RUNX3: variants seen among roughly 807,000 people sequenced by gnomAD.
RUNX3 encodes the protein RUNX family transcription factor 3.
A neutral mutation model predicts 27.7 loss-of-function variants in RUNX3; 10 were observed. The ratio of observed to expected loss-of-function variants is 0.36; its 90% CI spans 0.22 to 0.61. RUNX3 has a LOEUF of 0.61. Ranked by LOEUF, RUNX3 falls within the 20% of genes least tolerant of loss-of-function variation. The pLI is 0.72. For synonymous variants in RUNX3, 270 were observed against 269.2 expected, an observed-to-expected ratio of 1.00 and a Z score of -0.03; for missense variants, 469 against 629.5, an observed-to-expected ratio of 0.75 and a Z score of 2.73.
chr1:24,940,670 G>GA (rs1641455062), intron 2 of RUNX3, among the ~76,000 whole-genome samples: 1 of 151,284 alleles, frequency 6.6e-6, no homozygotes, highest in Non-Finnish European at 1.5e-5. Context: ...GAGGTGGGGG[G>GA]ATCTACTTGA....
Position 24,905,904 on chromosome 1 carries a change from C to T in RUNX3, c.703+1355G>A, listed in dbSNP as rs144438167. Among the ~76,000 whole-genome samples, 95 of 152,362 alleles carry T rather than the reference C, an allele frequency of 6.2e-4. 1 individual carries two copies. The highest frequency in any genetic ancestry group is 2.1e-3 in the South Asian group (10 of 4,834). ...GGCTCCTTCCGCTACCTCTTGAGAG[C>T]AGACCTCCAACTCCTGGGCTCGAGA... On this transcript the variant is annotated intron_variant, in intron 4 of 4. Transcript: ENST00000308873.
Position 24,901,140 on chromosome 1 carries a change from A to T in RUNX3, c.*982T>A, listed in dbSNP as rs1424118138. 2.8e-5 allele frequency: 4 copies of T among 145,322 alleles called. No homozygotes were observed. Among genetic ancestry groups the T allele is most frequent in the African/African-American group, 1.0e-4 (4 of 38,504 alleles). The allele number at this position is 145,322 out of a possible 1,614,324, so 9.0% of individuals were successfully genotyped here. On this transcript the variant is annotated 3_prime_UTR_variant, in exon 5 of 5. Transcript: ENST00000308873. ...CAAGATTTGGCTGGATCCTCCCAGGAGGCTTGGGGGATGGGGCACAGCTTG... is the reference window on the plus strand; with the variant it reads ...CAAGATTTGGCTGGATCCTCCCAGGTGGCTTGGGGGATGGGGCACAGCTTG...
chr1:24,912,578 T>C (rs778597314), intron 3 of RUNX3, among the ~76,000 whole-genome samples: 8 of 151,942 alleles, frequency 5.3e-5, no homozygotes, highest in Admixed American at 1.3e-4. Flanking sequence ...GTGGAAATCA[T>C]CAAAACGGCA....
At chr1:24,921,961 A>G (rs1350182608) in intron 2 of RUNX3, among the ~76,000 whole-genome samples, 1 of 151,888 alleles carries the variant, frequency 6.6e-6, no homozygotes, top group Non-Finnish European at 1.5e-5. Context: ...ATTTTAATTA[A>G]TTTTTTTGAG....
In RUNX3 at chr1:24,923,767, C is replaced by T. The variant is rs921108499; in HGVS notation, c.439+3807G>A. On this transcript the variant is annotated intron_variant, in intron 2 of 4. Coordinates refer to ENST00000308873, the MANE Select transcript of RUNX3 (RefSeq NM_004350.3). The surrounding 1 kb of genome is among the most constrained non-coding windows in gnomAD (Gnocchi z 5.9). Reference sequence around the variant, plus strand: ...CAGCCAAGAAGCCATTCATCTCTCCCCCAACCAGCGGTTCCCCTCAGCCTG... The same window carrying T: ...CAGCCAAGAAGCCATTCATCTCTCCTCCAACCAGCGGTTCCCCTCAGCCTG... Among the ~76,000 whole-genome samples the T allele has an allele frequency of 7.2e-5, 11 of 152,190 alleles. No homozygotes were observed. Among genetic ancestry groups the T allele is most frequent in the Non-Finnish European group, 1.5e-4 (10 of 68,038 alleles).
At chr1:24,951,537 G>C (rs1029689845) in intron 2 of RUNX3, among the ~76,000 whole-genome samples, 2 of 152,218 alleles carry the variant, frequency 1.3e-5, no homozygotes, top group Non-Finnish European at 2.9e-5. Flanking sequence ...CCAGTAAGAA[G>C]GTGGTGGAGC....
chr1:24,948,448 G>T (rs534590574), intron 2 of RUNX3, among the ~76,000 whole-genome samples: 8 of 152,318 alleles, frequency 5.3e-5, no homozygotes, highest in African/African-American at 1.9e-4. Context: ...AGCTGGGACA[G>T]CCTGTGACAG....
chr1:24,920,558 C>A (rs1420666820), intron 2 of RUNX3, among the ~76,000 whole-genome samples: 1 of 152,188 alleles, frequency 6.6e-6, no homozygotes, highest in African/African-American at 2.4e-5. Flanking sequence ...CATAATCCAA[C>A]ACAAATTACT....
intron 4 of RUNX3, among the ~76,000 whole-genome samples, chr1:24,903,089 G>A (rs1000404856): frequency 3.3e-5 from 5 of 152,192 alleles, no homozygotes; most frequent in East Asian, 1.9e-4. Context: ...TGGGAAGGCC[G>A]TGGATGTGTA....
chr1:24,900,133 A>G lies in RUNX3; in HGVS notation c.*1989T>C, dbSNP rs1469005568. Reference sequence around the variant, plus strand: ...CAGGAGGGAAGAAACTACAAGGACAATGGATTCATAGCTGCTTCCTAAGAA... The same window carrying G: ...CAGGAGGGAAGAAACTACAAGGACAGTGGATTCATAGCTGCTTCCTAAGAA... On this transcript the variant is annotated 3_prime_UTR_variant, in exon 5 of 5. Coordinates refer to ENST00000308873, the MANE Select transcript of RUNX3 (RefSeq NM_004350.3). 2 of 152,292 alleles carry G rather than the reference A, an allele frequency of 1.3e-5. No individual in the cohort carries two copies. Among genetic ancestry groups the G allele is most frequent in the Admixed American group, 1.3e-4 (2 of 15,288 alleles). The allele number at this position is 152,292 out of a possible 1,614,324, so 9.4% of individuals were successfully genotyped here.
Position 24,929,761 on chromosome 1 carries a change from C to G in RUNX3, c.108G>C (p.Leu36=). The G allele has an allele frequency of 6.8e-7, 1 of 1,463,688 alleles. No individual in the cohort carries two copies. The allele number at this position is 1,463,688 out of a possible 1,614,324, so 90.7% of individuals were successfully genotyped here. ...GGKMGENSGA[L]SAQAAVGPGG... is the part of the protein sequence containing the mutation. Reference sequence around the variant, plus strand: ...CGGGCCCCACGGCCGCCTGCGCGCTCAGCGCGCCGCTGTTCTCGCCCATCT... The same window carrying G: ...CGGGCCCCACGGCCGCCTGCGCGCTGAGCGCGCCGCTGTTCTCGCCCATCT... Residue 36 remains leucine, a synonymous_variant, in exon 1 of 5, where the codon CTG becomes CTC. Coordinates refer to ENST00000308873, the MANE Select transcript of RUNX3 (RefSeq NM_004350.3).
In RUNX3 at chr1:24,927,794, AGGAGG is replaced by A; in HGVS notation, c.283-69_283-65del. ...AGAAAGGAAGAGGGTGACCAGGGAA[AGGAGG>A]GGAGGGGCTGGGCTGGGCAGCTCCC... On this transcript the variant is annotated intron_variant, in intron 1 of 4. Transcript: ENST00000308873. This position sits in a 1 kb window ranked among gnomAD's most constrained non-coding sequence, Gnocchi z 5.0. 1 of 1,271,726 alleles carries A rather than the reference AGGAGG, an allele frequency of 7.9e-7. No homozygotes were observed. The highest frequency in any genetic ancestry group is 1.1e-6 in the Non-Finnish European group (1 of 892,968). 78.8% of individuals were successfully genotyped at this position (1,271,726 alleles called of 1,614,324 possible). A position where few individuals can be genotyped will look rare whatever the true frequency, so the allele number is the denominator to read the frequency against.
intron 2 of RUNX3, among the ~76,000 whole-genome samples, chr1:24,959,077 A>G (rs1317746616): frequency 6.6e-6 from 1 of 152,204 alleles, no homozygotes; most frequent in Non-Finnish European, 1.5e-5. Flanking sequence ...TGCCTCTCAC[A>G]GCCCGCTGGA....
At chr1:24,953,402 G>GAAAAAAAAAAAAAA (rs553316885) in intron 2 of RUNX3, among the ~76,000 whole-genome samples, 1 of 70,474 alleles carries the variant, frequency 1.4e-5, no homozygotes, top group Non-Finnish European at 2.9e-5. Flanking sequence ...AAAGAAAAAT[G>GAAAAAAAAAAAAAA]AAAAAAAAAA....
chr1:24,959,501 G>T (rs1168109374), intron 2 of RUNX3, among the ~76,000 whole-genome samples: 1 of 152,196 alleles, frequency 6.6e-6, no homozygotes, highest in Non-Finnish European at 1.5e-5. Flanking sequence ...TCCTCTCCCA[G>T]GGATGGCGGG....
At chr1:24,956,305 TA>T (rs1641923286) in intron 2 of RUNX3, among the ~76,000 whole-genome samples, 2 of 152,248 alleles carry the variant, frequency 1.3e-5, no homozygotes, top group African/African-American at 4.8e-5. Context: ...TGTTTTCCCT[TA>T]AATTTACAAG....
intron 2 of RUNX3, among the ~76,000 whole-genome samples, chr1:24,940,049 T>A (rs1641440340): frequency 6.6e-6 from 1 of 152,204 alleles, no homozygotes; most frequent in African/African-American, 2.4e-5. Flanking sequence ...AACTGGAGAC[T>A]TTGCCCTGGA....
In RUNX3 at chr1:24,929,844, T is replaced by A. The variant is rs1641181519; in HGVS notation, c.25A>T (p.Thr9Ser). 9 of 1,391,848 alleles carry A rather than the reference T, an allele frequency of 6.5e-6. No homozygotes were observed. Among genetic ancestry groups the A allele is most frequent in the Non-Finnish European group, 7.4e-6 (8 of 1,083,982 alleles). The allele number at this position is 1,391,848 out of a possible 1,614,324, so 86.2% of individuals were successfully genotyped here. The change falls in exon 1 of 5, where the codon ACC becomes TCC. Residue 9 changes from threonine (T) to serine (S), a missense_variant. Thr to Ser is a moderately conservative substitution (Grantham distance 58, BLOSUM62 1). Transcript: ENST00000308873. MRIPVDPS[T>S]SRRFTPPSPA... is the part of the protein sequence containing the mutation. ...GAGGGAGGTGTGAAGCGGCGGCTGG[T>A]GCTTGGGTCTACGGGAATACGCATA...
At chr1:24,954,247 A>T (rs952702613) in intron 2 of RUNX3, among the ~76,000 whole-genome samples, 2 of 152,224 alleles carry the variant, frequency 1.3e-5, no homozygotes, top group African/African-American at 4.8e-5. Context: ...TTATTTTTAA[A>T]TTTCTTAGAT....
Sources: allele counts gnomAD v4.1 joint callset (sites outside exome capture counted in the v4.1 genomes callset), GRCh38; gene constraint gnomAD v4.1.1; non-coding constraint Gnocchi (gnomAD v3.1); transcripts MANE v1.5; gene names NCBI Gene and HGNC (gene_info 2026-07-23, HGNC 2026-07-21).